The following DCBLD2 variants were observed in gnomAD, a reference collection of about 807,000 sequenced individuals.
The protein encoded by DCBLD2 is discoidin, CUB and LCCL domain-containing protein 2.
In DCBLD2, 54 loss-of-function variants were observed where a neutral mutation model predicts 86.8. The observed-to-expected ratio is 0.62, with a 90% confidence interval of 0.50 to 0.78. DCBLD2 has a LOEUF of 0.78. DCBLD2 is among the 30% of genes least tolerant of loss of function. The pLI, the probability that DCBLD2 is intolerant of heterozygous loss-of-function variation, is 0.00. For missense variants in DCBLD2, 908 were observed against 954.2 expected (o/e 0.95, Z 0.64); for synonymous variants, 354 against 341.3 (o/e 1.04, Z -0.41).
intron 2 of DCBLD2, among the ~76,000 whole-genome samples, chr3:98,851,778 A>G (rs1942841432): frequency 1.3e-5 from 2 of 152,326 alleles, no homozygotes; most frequent in South Asian, 2.1e-4. Flanking sequence ...ATAACACTAC[A>G]CAACTACAAC....
chr3:98,883,180 G>A (rs1035830141), intron 1 of DCBLD2, among the ~76,000 whole-genome samples: 5 of 151,632 alleles, frequency 3.3e-5, no homozygotes, highest in Non-Finnish European at 7.4e-5. Flanking sequence ...CAGTGATGAT[G>A]AGCATTTTTT....
intron 13 of DCBLD2, chr3:98,802,068 C>A (rs1424016609): frequency 6.5e-6 from 1 of 153,568 alleles, no homozygotes; most frequent in Non-Finnish European, 1.5e-5. Context: ...TGGGTATATA[C>A]CCAGTAATGG....
At chr3:98,820,188 C>T (rs1211134231) in intron 7 of DCBLD2, 60 bp downstream of exon 7, 4 of 1,114,478 alleles carry the variant, frequency 3.6e-6, no homozygotes, top group African/African-American at 3.3e-5. Context: ...GACACAGTGC[C>T]TAACAGTGTT....
chr3:98,841,637 TC>T (rs1347385102), intron 3 of DCBLD2, among the ~76,000 whole-genome samples: 4 of 152,200 alleles, frequency 2.6e-5, no homozygotes, highest in Non-Finnish European at 5.9e-5. Flanking sequence ...TGTTTTGTGT[TC>T]TTGAATGAAT....
At chr3:98,850,092 G>A (rs528415951) in intron 2 of DCBLD2, among the ~76,000 whole-genome samples, 3 of 152,104 alleles carry the variant, frequency 2.0e-5, no homozygotes, top group African/African-American at 7.2e-5. Context: ...GATCATATCT[G>A]ATCCCATGGC....
intron 2 of DCBLD2, among the ~76,000 whole-genome samples, chr3:98,862,976 C>T (rs1943073470): frequency 6.6e-6 from 1 of 152,208 alleles, no homozygotes; most frequent in South Asian, 2.1e-4. Context: ...AAAACCCCAT[C>T]ATCTACGCCC....
intron 12 of DCBLD2, among the ~76,000 whole-genome samples, chr3:98,808,899 A>T (rs1941886442): frequency 6.6e-6 from 1 of 152,206 alleles, no homozygotes; most frequent in Non-Finnish European, 1.5e-5. Context: ...TCTGCGTAAG[A>T]GTGAAAAATT....
At chr3:98,887,896 G>T (rs1453400634) in intron 1 of DCBLD2, among the ~76,000 whole-genome samples, 1 of 151,848 alleles carries the variant, frequency 6.6e-6, no homozygotes, top group Admixed American at 6.6e-5. Flanking sequence ...CATTCTATAG[G>T]TCTGGACAAA....
intron 2 of DCBLD2, among the ~76,000 whole-genome samples, chr3:98,866,921 A>T (rs1372127632): frequency 6.6e-6 from 1 of 152,254 alleles, no homozygotes; most frequent in African/African-American, 2.4e-5. Context: ...AGCTTTTTAC[A>T]TATGGCTAGC....
intron 3 of DCBLD2, among the ~76,000 whole-genome samples, chr3:98,830,213 T>C (rs1341789676): frequency 6.6e-6 from 1 of 152,272 alleles, no homozygotes; most frequent in Non-Finnish European, 1.5e-5. Flanking sequence ...TGATAGTTTC[T>C]TTTGCTGTAC....
intron 3 of DCBLD2, among the ~76,000 whole-genome samples, chr3:98,846,340 C>A (rs1301341171): frequency 6.6e-6 from 1 of 152,150 alleles, no homozygotes; most frequent in Admixed American, 6.6e-5. Flanking sequence ...TAGCTAGGTT[C>A]CTTGAAAATA....
chr3:98,811,733 T>C (rs1379288837), intron 10 of DCBLD2, among the ~76,000 whole-genome samples, 179 bp from the exon 11 acceptor site: 5 of 152,152 alleles, frequency 3.3e-5, no homozygotes, highest in East Asian at 1.9e-4. Flanking sequence ...GGCACAAATA[T>C]GCCAGGATTT....
In DCBLD2 at chr3:98,880,210, A is replaced by T. The variant is rs148735640; in HGVS notation, c.433+1330T>A. On this transcript the variant is annotated intron_variant, in intron 2 of 15. Coordinates refer to ENST00000326840, the MANE Select transcript of DCBLD2 (RefSeq NM_080927.4). ...AGGAATTTTTCCTCTGGTAGATAAG[A>T]GGCCAAAAAAGTAAAGAAGAGATGA... 5.7e-3 allele frequency among the ~76,000 whole-genome samples: 867 copies of T among 152,314 alleles called. 4 individuals carry two copies. The highest frequency in any genetic ancestry group is 9.7e-3 in the Non-Finnish European group (661 of 68,030).
At chr3:98,816,221 C>T (rs1576160391) in intron 9 of DCBLD2, 1 of 122,472 alleles carries the variant, frequency 8.2e-6, no homozygotes, top group Admixed American at 9.0e-5. Flanking sequence ...CAACGTATTT[C>T]AATTATTGAA....
At chr3:98,899,547 G>A (rs1402215116) in intron 1 of DCBLD2, among the ~76,000 whole-genome samples, 1 of 152,128 alleles carries the variant, frequency 6.6e-6, no homozygotes, top group African/African-American at 2.4e-5. Context: ...ACCGCGCCCG[G>A]TAGACTGGCC....
intron 8 of DCBLD2, among the ~76,000 whole-genome samples, chr3:98,818,637 G>C (rs1354467739): frequency 6.6e-6 from 1 of 152,120 alleles, no homozygotes; most frequent in Non-Finnish European, 1.5e-5. Context: ...CCTCAATCTG[G>C]GTCGGCACCA....
chr3:98,865,086 T>C (rs1025920044), intron 2 of DCBLD2, among the ~76,000 whole-genome samples: 1 of 152,142 alleles, frequency 6.6e-6, no homozygotes, highest in African/African-American at 2.4e-5. Context: ...AACTACCATA[T>C]GATCCAGTAA....
intron 2 of DCBLD2, among the ~76,000 whole-genome samples, chr3:98,860,981 T>A (rs1943032162): frequency 1.3e-5 from 2 of 152,066 alleles, no homozygotes; most frequent in Admixed American, 1.3e-4. Flanking sequence ...AGGAGACCCA[T>A]CTCACATGCA....
At chr3:98,862,078 G>C (rs1422857120) in intron 2 of DCBLD2, among the ~76,000 whole-genome samples, 2 of 152,096 alleles carry the variant, frequency 1.3e-5, no homozygotes, top group East Asian at 1.9e-4. Flanking sequence ...ACTACCATCA[G>C]AGAATACTAC....
Sources: allele counts gnomAD v4.1 joint callset (sites outside exome capture counted in the v4.1 genomes callset), GRCh38; gene constraint gnomAD v4.1.1; transcripts MANE v1.5; gene names NCBI Gene and HGNC (gene_info 2026-07-23, HGNC 2026-07-21).